Variants in LRCH2 observed in about 807,000 individuals in gnomAD.
LRCH2 encodes leucine-rich repeat and calponin homology domain-containing protein 2.
In LRCH2, 38 loss-of-function variants were observed where a neutral mutation model predicts 68.9. The observed-to-expected ratio is 0.55, with a 90% CI of 0.43 to 0.72. LRCH2 has a LOEUF of 0.72. Among genes scored for constraint, LRCH2 ranks in the 30% least tolerant of loss-of-function variants. LRCH2 has a pLI of 0.00. For missense variants in LRCH2, 528 were observed against 572.9 expected, an observed-to-expected ratio of 0.92 and a Z score of 0.80; for synonymous variants, 191 against 208.1, an observed-to-expected ratio of 0.92 and a Z score of 0.71.
chrX:115,162,027 T>G (rs62601521), intron 11 of LRCH2, among the ~76,000 whole-genome samples: 10,918 of 103,128 alleles, frequency 0.11, 597 homozygotes, highest in Non-Finnish European at 0.16. Context: ...TCAAGCGATC[T>G]TCCCACCTCA....
At chrX:115,198,749 A>T in intron 1 of LRCH2, 1 of 126,212 alleles carries the variant, frequency 7.9e-6, no homozygotes. Context: ...TGAAAGACTG[A>T]GCTCCCTGTC....
chrX:115,224,830 A>C (rs1373194071), intron 1 of LRCH2, among the ~76,000 whole-genome samples: 1 of 112,071 alleles, frequency 8.9e-6, no homozygotes, highest in Non-Finnish European at 1.9e-5. Context: ...AGTTTACTTA[A>C]AGTATATATA....
intron 1 of LRCH2, among the ~76,000 whole-genome samples, chrX:115,221,094 G>A (rs1556573347): frequency 9.9e-6 from 1 of 100,734 alleles, no homozygotes; most frequent in South Asian, 4.8e-4. Flanking sequence ...GGAGAATGGC[G>A]TGAACCTGGG....
At chrX:115,169,829 ACATCAAAGATGTT>A (rs1303405451) in intron 6 of LRCH2, among the ~76,000 whole-genome samples, 2 of 111,256 alleles carry the variant, frequency 1.8e-5, no homozygotes, top group Non-Finnish European at 3.8e-5. Flanking sequence ...ATCATAAAGA[ACATCAAAGATGTT>A]CATCAAAGAT....
chrX:115,172,422 A>G (rs1051567898), intron 5 of LRCH2, among the ~76,000 whole-genome samples: 2 of 112,143 alleles, frequency 1.8e-5, no homozygotes, highest in African/African-American at 3.2e-5. Flanking sequence ...AAATGAGTTA[A>G]TATATGTAAA....
In LRCH2 at chrX:115,191,847, C is replaced by T. The variant is rs1057249655; in HGVS notation, c.350-3477G>A. 1.1e-5 allele frequency: 13 copies of T among 1,151,717 alleles called. No homozygotes were observed. In the African/African-American group the frequency reaches 2.4e-4, roughly 21 times the overall value. 94.9% of individuals were successfully genotyped at this position (1,151,717 alleles called of 1,213,427 possible). A position where few individuals can be genotyped will look rare whatever the true frequency, so the allele number is the denominator to read the frequency against. ...GCTCACCCAATGCCTACAGCGGGGG[C>T]CACAACAGTTCCAGCCGGAACGACC... On this transcript the variant is annotated intron_variant, in intron 1 of 20. Coordinates refer to ENST00000317135, the MANE Select transcript of LRCH2 (RefSeq NM_020871.4).
chrX:115,182,831 C>CAAA (rs1164477909), intron 3 of LRCH2, among the ~76,000 whole-genome samples: 14 of 26,135 alleles, frequency 5.4e-4, no homozygotes, highest in African/African-American at 1.0e-3. Flanking sequence ...AACTTCGTCT[C>CAAA]AAAAAAAAAA....
At chrX:115,189,556 C>A in intron 1 of LRCH2, 1 of 1,176,448 alleles carries the variant, frequency 8.5e-7, no homozygotes, top group East Asian at 3.1e-5. Context: ...CAAGGTGTTC[C>A]TGATGAAAGA....
chrX:115,146,888 T>C (rs1008362156), intron 14 of LRCH2, among the ~76,000 whole-genome samples: 7 of 84,145 alleles, frequency 8.3e-5, no homozygotes, highest in African/African-American at 3.3e-4. Flanking sequence ...AGAAATACAG[T>C]TGGATTTCTT....
rs782068079 is a variant in LRCH2, at chrX:115,118,578, C to A, written c.2178+3949G>T. ...GACCAGATGGATTCACAGCTGAATTCTACCAGAGGTACAAGGAGGAACTGG... is the reference window on the plus strand; with the variant it reads ...GACCAGATGGATTCACAGCTGAATTATACCAGAGGTACAAGGAGGAACTGG... On this transcript the variant is annotated intron_variant, in intron 20 of 20. Coordinates refer to ENST00000317135, the MANE Select transcript of LRCH2 (RefSeq NM_020871.4). Among the ~76,000 whole-genome samples, 4 of 110,262 alleles carry A rather than the reference C, an allele frequency of 3.6e-5. No individual in the cohort carries two copies. The South Asian group carries it at 1.6e-3, about 43-fold the overall frequency.
chrX:115,197,847 T>TCTCTCTCTCTCTCACACACACACA (rs782358260), intron 1 of LRCH2, among the ~76,000 whole-genome samples: 5 of 20,565 alleles, frequency 2.4e-4, no homozygotes, highest in Non-Finnish European at 3.3e-4. Flanking sequence ...TCTCTCTCTC[T>TCTCTCTCTCTCTCACACACACACA]CACACACACA....
chrX:115,141,399 C>A (rs1419382490), intron 14 of LRCH2, among the ~76,000 whole-genome samples: 1 of 110,821 alleles, frequency 9.0e-6, no homozygotes, highest in Non-Finnish European at 1.9e-5. Flanking sequence ...ATATTTCAGT[C>A]CAGAAAGGCA....
In LRCH2 at chrX:115,191,992, C is replaced by G; in HGVS notation, c.350-3622G>C. The G allele has an allele frequency of 8.6e-7, 1 of 1,167,341 alleles. No homozygotes were observed. ...TGACAGTTCCAGCAACAGTTACGAC[C>G]GGAGCCACCGCTATGGAGGAGGAGG... On this transcript the variant is annotated intron_variant, in intron 1 of 20. Coordinates refer to ENST00000317135, the MANE Select transcript of LRCH2 (RefSeq NM_020871.4).
At chrX:115,181,941 C>CT (rs1304799273) in intron 3 of LRCH2, among the ~76,000 whole-genome samples, 1 of 111,149 alleles carries the variant, frequency 9.0e-6, no homozygotes, top group Non-Finnish European at 1.9e-5. Flanking sequence ...CATATATTAA[C>CT]TTTTTTTTCT....
chrX:115,191,544 C>T (rs893183348), intron 1 of LRCH2: 3 of 1,118,733 alleles, frequency 2.7e-6, no homozygotes, highest in African/African-American at 3.8e-5. Flanking sequence ...AGAGCAACCG[C>T]TATGGAGGAG....
chrX:115,201,839 A>G (rs1438412138), intron 1 of LRCH2, among the ~76,000 whole-genome samples: 1 of 111,954 alleles, frequency 8.9e-6, no homozygotes, highest in Non-Finnish European at 1.9e-5. Flanking sequence ...AAAACACAGT[A>G]GCATTTCTAA....
At chrX:115,132,392 C>T (rs977679914) in intron 14 of LRCH2, among the ~76,000 whole-genome samples, 6 of 110,980 alleles carry the variant, frequency 5.4e-5, no homozygotes, top group African/African-American at 2.0e-4. Context: ...AGATGGTTGT[C>T]GATGTGTGGT....
At chrX:115,131,388 G>A (rs2072244133) in intron 14 of LRCH2, among the ~76,000 whole-genome samples, 1 of 110,221 alleles carries the variant, frequency 9.1e-6, no homozygotes, top group African/African-American at 3.3e-5. Flanking sequence ...AGTTTGCTCA[G>A]AATGATGGTT....
At chrX:115,145,845 T>C (rs1556535899) in intron 14 of LRCH2, among the ~76,000 whole-genome samples, 2 of 111,874 alleles carry the variant, frequency 1.8e-5, no homozygotes, top group African/African-American at 6.5e-5. Flanking sequence ...GGTGGGAATG[T>C]AAATTAGTAC....
Sources: allele counts gnomAD v4.1 joint callset (sites outside exome capture counted in the v4.1 genomes callset), GRCh38; gene constraint gnomAD v4.1.1; transcripts MANE v1.5; gene names NCBI Gene and HGNC (gene_info 2026-07-23, HGNC 2026-07-21).